CMIP: variants seen among roughly 807,000 people sequenced by gnomAD.
The protein encoded by CMIP is c-Maf inducing protein, also known as C-Maf-inducing protein.
In CMIP, 13 loss-of-function variants were observed where a neutral mutation model predicts 97.3. The ratio of observed to expected loss-of-function variants is 0.13; its 90% CI spans 0.09 to 0.21. The LOEUF (loss-of-function observed/expected upper bound fraction) is 0.21, where lower values mean the gene tolerates loss of function less well. CMIP is among the 10% of genes least tolerant of loss of function. The pLI is 1.00. For missense variants in CMIP, 847 were observed against 1,024.9 expected (o/e 0.83, Z 2.37); for synonymous variants, 538 against 436.3 (o/e 1.23, Z -2.91).
At chr16:81,664,393 A>G (rs750677023) in intron 7 of CMIP, 44 bp downstream of exon 7, 1 of 1,547,042 alleles carries the variant, frequency 6.5e-7, no homozygotes, top group South Asian at 1.2e-5. Context: ...CGCCCAGAAC[A>G]TGAGGCCCCG....
intron 1 of CMIP, among the ~76,000 whole-genome samples, chr16:81,474,123 G>C (rs1182680114): frequency 6.6e-6 from 1 of 152,034 alleles, no homozygotes; most frequent in African/African-American, 2.4e-5. Context: ...CTTCAGGCTG[G>C]GCACGGCCTC....
At chr16:81,500,328 T>TTCCTTCCTTCCTTCCTTCCTTC (rs2089580909) in intron 1 of CMIP, among the ~76,000 whole-genome samples, 1 of 64,008 alleles carries the variant, frequency 1.6e-5, no homozygotes, top group African/African-American at 5.8e-5. Flanking sequence ...CCTGCCTCCC[T>TTCCTTCCTTCCTTCCTTCCTTC]CTGTCCCTCC....
At chr16:81,475,939 A>G in intron 1 of CMIP, 1 of 418,948 alleles carries the variant, frequency 2.4e-6, no homozygotes, top group South Asian at 2.1e-5. Flanking sequence ...GTGAGCTGAG[A>G]TTGCTCCACT....
intron 1 of CMIP, among the ~76,000 whole-genome samples, chr16:81,493,096 G>T (rs1327362142): frequency 6.6e-6 from 1 of 152,168 alleles, no homozygotes; most frequent in African/African-American, 2.4e-5. Flanking sequence ...CTGTAGGTTG[G>T]AGCTGGGAGA....
intron 1 of CMIP, among the ~76,000 whole-genome samples, chr16:81,491,429 C>A (rs1289303579): frequency 6.6e-6 from 1 of 152,170 alleles, no homozygotes; most frequent in Non-Finnish European, 1.5e-5. Context: ...TTGTGAGGCT[C>A]AGGGAAGATT....
At chr16:81,483,457 G>T (rs572493000) in intron 1 of CMIP, among the ~76,000 whole-genome samples, 1 of 152,198 alleles carries the variant, frequency 6.6e-6, no homozygotes, top group South Asian at 2.1e-4. Flanking sequence ...AACTTTGGCC[G>T]TTAACTCTGA....
intron 1 of CMIP, among the ~76,000 whole-genome samples, chr16:81,459,835 T>C (rs988038224): frequency 2.0e-5 from 3 of 152,162 alleles, no homozygotes; most frequent in Non-Finnish European, 2.9e-5. Context: ...TGCTGCTTCT[T>C]TGGGGAATTG....
intron 1 of CMIP, among the ~76,000 whole-genome samples, chr16:81,540,933 G>C (rs571915250): frequency 3.0e-4 from 46 of 150,856 alleles, no homozygotes; most frequent in African/African-American, 1.1e-3. Flanking sequence ...ACCCACGTCT[G>C]CTTCCCAAAG....
At chr16:81,633,562 C>T (rs549358171) in intron 3 of CMIP, among the ~76,000 whole-genome samples, 3 of 152,350 alleles carry the variant, frequency 2.0e-5, no homozygotes, top group East Asian at 1.9e-4. Flanking sequence ...TGATGCAGAA[C>T]GACTAGGGCC....
At chr16:81,684,927 G>T (rs1382188428) in intron 10 of CMIP, among the ~76,000 whole-genome samples, 3 of 152,246 alleles carry the variant, frequency 2.0e-5, no homozygotes, top group Non-Finnish European at 4.4e-5. Context: ...GTGGCCAGAG[G>T]CATCCCATCC....
At chr16:81,631,627 T>C (rs2092160831) in intron 3 of CMIP, 1 of 152,284 alleles carries the variant, frequency 6.6e-6, no homozygotes, top group African/African-American at 2.4e-5. Context: ...TGGCTTCTTA[T>C]GATTTGTCTG....
At chr16:81,547,977 G>T (rs1307114743) in intron 1 of CMIP, among the ~76,000 whole-genome samples, 26 of 152,168 alleles carry the variant, frequency 1.7e-4, no homozygotes, top group Admixed American at 1.6e-3. Context: ...TCTGCAGCAC[G>T]CCGGCAATCA....
chr16:81,590,160 C>A (rs982815481), intron 1 of CMIP, among the ~76,000 whole-genome samples: 1 of 152,218 alleles, frequency 6.6e-6, no homozygotes, highest in Admixed American at 6.5e-5. Flanking sequence ...GCGGGGAACC[C>A]TGGGAATGAC....
intron 1 of CMIP, among the ~76,000 whole-genome samples, chr16:81,558,065 T>A (rs1235816895): frequency 6.6e-6 from 1 of 152,266 alleles, no homozygotes; most frequent in Admixed American, 6.5e-5. Flanking sequence ...TGTGGTTGGC[T>A]TATTTCACTA....
intron 7 of CMIP, among the ~76,000 whole-genome samples, chr16:81,669,704 C>T (rs1391463970): frequency 9.4e-6 from 1 of 106,506 alleles, no homozygotes; most frequent in African/African-American, 3.7e-5. Context: ...TCACATTCAC[C>T]TCCTCCCATA....
intron 1 of CMIP, among the ~76,000 whole-genome samples, chr16:81,534,759 AAATAGTT>A (rs2090309280): frequency 6.6e-6 from 1 of 152,208 alleles, no homozygotes; most frequent in Non-Finnish European, 1.5e-5. Flanking sequence ...CCTTCCCTCC[AAATAGTT>A]AATGGATTGT....
intron 7 of CMIP, chr16:81,665,462 G>A (rs2092593037): frequency 6.6e-6 from 1 of 152,116 alleles, no homozygotes; most frequent in Non-Finnish European, 1.5e-5. Context: ...TGCATAGGAG[G>A]AATCTGGGAC....
At chr16:81,675,308 A>G (rs529158604) in intron 9 of CMIP, among the ~76,000 whole-genome samples, 119 of 152,036 alleles carry the variant, frequency 7.8e-4, no homozygotes, top group African/African-American at 2.8e-3. Flanking sequence ...TCTTCAAGCA[A>G]TTCTCATGCC....
At chr16:81,468,875 G>A (rs1479602618) in intron 1 of CMIP, among the ~76,000 whole-genome samples, 1 of 152,238 alleles carries the variant, frequency 6.6e-6, no homozygotes. Context: ...GGCCTCAGGT[G>A]TATTGAGTGG....
Sources: allele counts gnomAD v4.1 joint callset (sites outside exome capture counted in the v4.1 genomes callset), GRCh38; gene constraint gnomAD v4.1.1; transcripts MANE v1.5; gene names NCBI Gene and HGNC (gene_info 2026-07-23, HGNC 2026-07-21).